MYO1E: variants seen among roughly 807,000 people sequenced by gnomAD.
The protein encoded by MYO1E is unconventional myosin-Ie.
MYO1E carries 68 observed loss-of-function variants against 151.1 expected under a neutral mutation model. The observed-to-expected ratio is 0.45, with a 90% CI of 0.37 to 0.55. The LOEUF (loss-of-function observed/expected upper bound fraction) is 0.55, where lower values mean the gene tolerates loss of function less well. Ranked by LOEUF, MYO1E falls within the 20% of genes least tolerant of loss-of-function variation. MYO1E has a pLI of 0.00. For missense variants in MYO1E, 1,363 were observed against 1,389.3 expected (o/e 0.98, Z 0.30); for synonymous variants, 601 against 501.7 (o/e 1.20, Z -2.64).
chr15:59,246,688 T>C (rs760585780), intron 4 of MYO1E, among the ~76,000 whole-genome samples: 3 of 152,052 alleles, frequency 2.0e-5, no homozygotes, highest in Non-Finnish European at 4.4e-5. Context: ...TGCTATAATA[T>C]AGAAATAGGC....
intron 6 of MYO1E, among the ~76,000 whole-genome samples, chr15:59,229,628 G>T (rs1382724862): frequency 6.6e-6 from 1 of 152,146 alleles, no homozygotes; most frequent in Non-Finnish European, 1.5e-5. Flanking sequence ...ATACATAGAT[G>T]TTCATTGCAT....
intron 22 of MYO1E, among the ~76,000 whole-genome samples, chr15:59,165,045 C>G (rs969365691): frequency 7.9e-5 from 12 of 152,192 alleles, no homozygotes; most frequent in Non-Finnish European, 1.5e-4. Flanking sequence ...AAAGACTGGG[C>G]CTTCACCAGA....
intron 1 of MYO1E, among the ~76,000 whole-genome samples, chr15:59,343,234 G>A (rs762646177): frequency 3.3e-5 from 5 of 151,752 alleles, no homozygotes; most frequent in Non-Finnish European, 7.4e-5. Flanking sequence ...GTCTGGGAAG[G>A]TCTTAATTTT....
At chr15:59,272,229 C>G (rs566629776) in intron 2 of MYO1E, 77 bp downstream of exon 2, 2 of 1,561,512 alleles carry the variant, frequency 1.3e-6, no homozygotes, top group Admixed American at 1.7e-5. Context: ...AGCCACTGCA[C>G]CCAGCATAAA....
chr15:59,205,525 A>C, intron 14 of MYO1E, 40 bp from the exon 15 acceptor site: 3 of 1,541,734 alleles, frequency 1.9e-6, no homozygotes, highest in Non-Finnish European at 2.7e-6. Flanking sequence ...CATTGAACAA[A>C]ATGTAATTAA....
rs58207484 is a variant in MYO1E at position 59,145,963 on chromosome 15, C to T, written c.3081-7596G>A. Among the ~76,000 whole-genome samples the T allele has an allele frequency of 9.7e-3, 1,484 of 152,294 alleles. 30 individuals are homozygous for T. The highest frequency in any genetic ancestry group is 0.038 in the East Asian group (195 of 5,182). On this transcript the variant is annotated intron_variant, in intron 26 of 27. Coordinates refer to ENST00000288235, the MANE Select transcript of MYO1E (RefSeq NM_004998.4). ...TACCATCCTCAAGCTGCCCTCACGA[C>T]AGCACAGGCTCACTCATGTCTAAAA...
intron 2 of MYO1E, among the ~76,000 whole-genome samples, chr15:59,268,430 A>C (rs1281369317): frequency 6.6e-6 from 1 of 152,194 alleles, no homozygotes; most frequent in Admixed American, 6.6e-5. Context: ...GCATTAATTC[A>C]AAGGCGCATA....
At chr15:59,276,058 G>A (rs755385920) in intron 1 of MYO1E, among the ~76,000 whole-genome samples, 3 of 152,090 alleles carry the variant, frequency 2.0e-5, no homozygotes, top group East Asian at 1.9e-4. Context: ...ACAAACTACC[G>A]CCCTAGAATT....
intron 1 of MYO1E, among the ~76,000 whole-genome samples, chr15:59,314,036 G>A (rs1162498262): frequency 6.6e-6 from 1 of 152,204 alleles, no homozygotes; most frequent in African/African-American, 2.4e-5. Context: ...ATGCTTTCAG[G>A]CCTGGGCTGA....
At chr15:59,334,904 C>T (rs1479516424) in intron 1 of MYO1E, among the ~76,000 whole-genome samples, 17 of 152,312 alleles carry the variant, frequency 1.1e-4, no homozygotes, top group Admixed American at 3.3e-4. Context: ...AGATGTCTCA[C>T]GTACAGGTCA....
chr15:59,149,034 A>T (rs2079458444), intron 26 of MYO1E, among the ~76,000 whole-genome samples: 1 of 144,928 alleles, frequency 6.9e-6, no homozygotes, highest in African/African-American at 2.6e-5. Flanking sequence ...TGGGTGGATG[A>T]ACTGTTTTTT....
At chr15:59,364,787 C>T (rs2080903963) in intron 1 of MYO1E, among the ~76,000 whole-genome samples, 1 of 151,894 alleles carries the variant, frequency 6.6e-6, no homozygotes, top group African/African-American at 2.4e-5. Context: ...TACCTATAAT[C>T]CCAGCTACTC....
At chr15:59,224,585 C>T in intron 8 of MYO1E, 104 bp downstream of exon 8, 1 of 1,465,102 alleles carries the variant, frequency 6.8e-7, no homozygotes, top group Non-Finnish European at 9.5e-7. Flanking sequence ...AAGAGGCGGA[C>T]ATTTCATGCA....
At chr15:59,313,767 G>A (rs1197555240) in intron 1 of MYO1E, among the ~76,000 whole-genome samples, 1 of 152,160 alleles carries the variant, frequency 6.6e-6, no homozygotes, top group Non-Finnish European at 1.5e-5. Context: ...AAAATAGAAG[G>A]AATCAAAGTG....
chr15:59,306,155 T>TCATTTGCAATTAAATC (rs2080513497), intron 1 of MYO1E, among the ~76,000 whole-genome samples: 1 of 152,214 alleles, frequency 6.6e-6, no homozygotes, highest in South Asian at 2.1e-4. Flanking sequence ...TTTACACAAA[T>TCATTTGCAATTAAATC]CATTTGCAAT....
chr15:59,203,562 G>A (rs1200785863), intron 15 of MYO1E, among the ~76,000 whole-genome samples: 1 of 152,152 alleles, frequency 6.6e-6, no homozygotes, highest in African/African-American at 2.4e-5. Context: ...CGTTAGTAGA[G>A]ACGGGGTTTC....
intron 16 of MYO1E, among the ~76,000 whole-genome samples, chr15:59,199,727 T>C (rs2079789392): frequency 6.6e-6 from 1 of 152,222 alleles, no homozygotes; most frequent in Non-Finnish European, 1.5e-5. Flanking sequence ...AACACTACGA[T>C]GACCTTGAAC....
chr15:59,236,800 T>C (rs2080069625), intron 4 of MYO1E, 128 bp from the exon 5 acceptor site: 5 of 868,828 alleles, frequency 5.8e-6, no homozygotes, highest in Non-Finnish European at 7.5e-6. Context: ...AAAGAATTTT[T>C]TTTTTTAAGT....
rs1191179664 is a variant in MYO1E at position 59,133,510 on chromosome 15, T to C, written c.*3870A>G. 2 of 151,462 alleles carry C rather than the reference T, an allele frequency of 1.3e-5. No homozygotes were observed. Among genetic ancestry groups the C allele is most frequent in the South Asian group, 4.2e-4 (2 of 4,778 alleles). The allele number at this position is 151,462 out of a possible 1,614,324, so 9.4% of individuals were successfully genotyped here. A position where few individuals can be genotyped will look rare whatever the true frequency, so the allele number is the denominator to read the frequency against. On this transcript the variant is annotated 3_prime_UTR_variant, in exon 28 of 28. Transcript: ENST00000288235. ...AAAGGGTGCTCAGAGTGGAAAGGTATGATCTAGTAGGGAAAAAGACATCAA... is the reference window on the plus strand; with the variant it reads ...AAAGGGTGCTCAGAGTGGAAAGGTACGATCTAGTAGGGAAAAAGACATCAA...
Sources: allele counts gnomAD v4.1 joint callset (sites outside exome capture counted in the v4.1 genomes callset), GRCh38; gene constraint gnomAD v4.1.1; transcripts MANE v1.5; gene names NCBI Gene and HGNC (gene_info 2026-07-23, HGNC 2026-07-21).